Variants in PCDHGA8 observed in about 807,000 individuals in gnomAD.
PCDHGA8 encodes protocadherin gamma subfamily A, 8.
PCDHGA8 carries 45 observed loss-of-function variants against 59.2 expected under a neutral mutation model. The observed-to-expected ratio is 0.76, with a 90% CI of 0.60 to 0.98. The LOEUF (loss-of-function observed/expected upper bound fraction) is 0.98. Ranked by LOEUF, PCDHGA8 falls within the 50% of genes least tolerant of loss-of-function variation. The pLI, the probability that PCDHGA8 is intolerant of heterozygous loss-of-function variation, is 0.00. For synonymous variants in PCDHGA8, 531 were observed against 519.0 expected, an observed-to-expected ratio of 1.02 and a Z score of -0.32; for missense variants, 1,257 against 1,196.2, an observed-to-expected ratio of 1.05 and a Z score of -0.75.
chr5:141,431,016 C>A lies in PCDHGA8; in HGVS notation c.2424+35779C>A, dbSNP rs755015257. 4 of 1,613,456 alleles carry A rather than the reference C, an allele frequency of 2.5e-6. No individual in the cohort carries two copies. Among genetic ancestry groups the A allele is most frequent in the East Asian group, 2.2e-5 (1 of 44,860 alleles). ...AATCCGCGCAGCGGCAGCTTGGTCA[C>A]GGCGGGCAGGATAGACCGGGAGGAG... is the stretch of plus-strand genomic sequence containing the variant. On this transcript the variant is annotated intron_variant, in intron 1 of 3. Coordinates refer to ENST00000398604, the MANE Select transcript of PCDHGA8 (RefSeq NM_032088.2). The surrounding 1 kb of genome is among the most constrained non-coding windows in gnomAD (Gnocchi z 4.8).
At chr5:141,415,904 C>T in intron 1 of PCDHGA8, 1 of 833,428 alleles carries the variant, frequency 1.2e-6, no homozygotes, top group Non-Finnish European at 1.6e-6. Context: ...AGACAGACTT[C>T]CATACAGAAG....
chr5:141,489,089 A>C lies in PCDHGA8; in HGVS notation c.2425-5718A>C. 6 of 284,452 alleles carry C rather than the reference A, an allele frequency of 2.1e-5. No individual in the cohort carries two copies. The highest frequency in any genetic ancestry group is 5.7e-5 in the East Asian group (1 of 17,568). The allele number at this position is 284,452 out of a possible 1,614,324, so 17.6% of individuals were successfully genotyped here. A position where few individuals can be genotyped will look rare whatever the true frequency, so the allele number is the denominator to read the frequency against. Reference sequence around the variant, plus strand: ...CCCTGCCCACCCCCGCCACTCGGTGACTAAGAACTGCTGCAAGCAGGCAAA... The same window carrying C: ...CCCTGCCCACCCCCGCCACTCGGTGCCTAAGAACTGCTGCAAGCAGGCAAA... On this transcript the variant is annotated intron_variant, in intron 1 of 3. Transcript: ENST00000398604. This position sits in a 1 kb window ranked among gnomAD's most constrained non-coding sequence, Gnocchi z 4.5.
At chr5:141,472,022 T>C (rs949257396) in intron 1 of PCDHGA8, among the ~76,000 whole-genome samples, 1 of 152,176 alleles carries the variant, frequency 6.6e-6, no homozygotes, top group Non-Finnish European at 1.5e-5. Flanking sequence ...CTATATTGTA[T>C]GTAGAAAGCT....
chr5:141,418,767 C>T (rs770275597), intron 1 of PCDHGA8: 1 of 1,613,850 alleles, frequency 6.2e-7, no homozygotes, highest in Non-Finnish European at 8.5e-7. Flanking sequence ...AACATTCTAA[C>T]TCAGCAGCCT....
At chr5:141,415,746 T>G (rs766611858) in intron 1 of PCDHGA8, 17 of 662,556 alleles carry the variant, frequency 2.6e-5, no homozygotes, top group East Asian at 1.1e-4. Context: ...TAAGGTTTTT[T>G]TTTTTTTTTT....
At chr5:141,444,880 G>C (rs527554886) in intron 1 of PCDHGA8, among the ~76,000 whole-genome samples, 5 of 152,268 alleles carry the variant, frequency 3.3e-5, no homozygotes, top group Admixed American at 1.3e-4. Flanking sequence ...AAGCTTGTAG[G>C]ATTTTTGAAT....
chr5:141,408,430 C>T, intron 1 of PCDHGA8: 2 of 1,614,012 alleles, frequency 1.2e-6, no homozygotes, highest in South Asian at 1.1e-5. Context: ...TGCACTTCAG[C>T]GTAGACGCGG....
chr5:141,404,974 C>A, intron 1 of PCDHGA8: 1 of 1,614,022 alleles, frequency 6.2e-7, no homozygotes, highest in South Asian at 1.1e-5. Flanking sequence ...TCCTGGCTGA[C>A]CTGGGCAGTC....
In PCDHGA8 at chr5:141,485,472, C is replaced by T. The variant is rs1185020546; in HGVS notation, c.2425-9335C>T. On this transcript the variant is annotated intron_variant, in intron 1 of 3. Transcript: ENST00000398604. This position sits in a 1 kb window ranked among gnomAD's most constrained non-coding sequence, Gnocchi z 5.7. The stretch of plus-strand genomic sequence containing the variant: ...CGAGAGGCACTGTGTGGGCTCAGTG[C>T]CAGCTGCATCGTGCCCCTGGAGTTT... The T allele has an allele frequency of 3.1e-6, 5 of 1,614,138 alleles. No individual in the cohort carries two copies. In the South Asian group the frequency reaches 5.5e-5, roughly 18 times the overall value.
At position 141,478,208 on chromosome 5, in the gene PCDHGA8, C is replaced by G. The variant is rs200735608; in HGVS notation, c.2425-16599C>G. The G allele has an allele frequency of 2.5e-6, 4 of 1,614,096 alleles. No individual in the cohort carries two copies. The East Asian group carries it at 8.9e-5, about 36-fold the overall frequency. ...TCTCACCTTTTATCTACTTCTTTCTCTAATCCTGGTTTCTGTGGGGTTTGT... is the reference window on the plus strand; with the variant it reads ...TCTCACCTTTTATCTACTTCTTTCTGTAATCCTGGTTTCTGTGGGGTTTGT... On this transcript the variant is annotated intron_variant, in intron 1 of 3. Coordinates refer to ENST00000398604, the MANE Select transcript of PCDHGA8 (RefSeq NM_032088.2).
At position 141,413,510 on chromosome 5, in the gene PCDHGA8, T is replaced by G. The variant is rs372002880; in HGVS notation, c.2424+18273T>G. On this transcript the variant is annotated intron_variant, in intron 1 of 3. Transcript: ENST00000398604. ...GCGCGGTGCGTGGTGAGTTTTAATA[T>G]CCTTGTGGAAGACAGGGTGAAACTT... The G allele has an allele frequency of 5.4e-5, 87 of 1,613,876 alleles. No individual in the cohort carries two copies. Among genetic ancestry groups the G allele is most frequent in the Middle Eastern group, 1.6e-4 (1 of 6,084 alleles).
chr5:141,392,918 G>T lies in PCDHGA8; in HGVS notation c.105G>T (p.Val35=), dbSNP rs1177755274. The change falls in exon 1 of 4, where the codon GTG becomes GTT. Residue 35 remains valine, a synonymous_variant. Transcript: ENST00000398604. ...GGAGGGGACAGATTCGCTACTCTGTGCCAGAAGAGACGGACAAAGGCTCCT... is the reference window on the plus strand; with the variant it reads ...GGAGGGGACAGATTCGCTACTCTGTTCCAGAAGAGACGGACAAAGGCTCCT... ...EIGRGQIRYS[V]PEETDKGSFV... 2 of 1,613,794 alleles carry T rather than the reference G, an allele frequency of 1.2e-6. No individual in the cohort carries two copies. Among genetic ancestry groups the T allele is most frequent in the African/African-American group, 2.7e-5 (2 of 74,948 alleles).
chr5:141,497,122 G>A (rs1407489807), intron 2 of PCDHGA8, among the ~76,000 whole-genome samples: 1 of 151,992 alleles, frequency 6.6e-6, no homozygotes, highest in East Asian at 1.9e-4. Flanking sequence ...GAAGGCAGAG[G>A]TTGCAGTGAG....
In PCDHGA8 at chr5:141,455,477, C is replaced by T. The variant is rs557286491; in HGVS notation, c.2425-39330C>T. On this transcript the variant is annotated intron_variant, in intron 1 of 3. Coordinates refer to ENST00000398604, the MANE Select transcript of PCDHGA8 (RefSeq NM_032088.2). ...TACCAGCCAGGTATATATGCAGAGG[C>T]TGGTGGAGGTGATGTCTGATTTGCA... Among the ~76,000 whole-genome samples the T allele has an allele frequency of 1.2e-4, 18 of 152,252 alleles. No homozygotes were observed. The South Asian group carries it at 3.7e-3, about 32-fold the overall frequency.
intron 1 of PCDHGA8, chr5:141,441,209 G>A (rs1276958461): frequency 1.3e-5 from 2 of 152,158 alleles, no homozygotes; most frequent in East Asian, 3.9e-4. Flanking sequence ...TCTGCACCTT[G>A]GACAGTAATC....
intron 1 of PCDHGA8, among the ~76,000 whole-genome samples, chr5:141,402,239 T>A (rs1361940803): frequency 6.6e-6 from 1 of 152,066 alleles, no homozygotes; most frequent in African/African-American, 2.4e-5. Flanking sequence ...AGGAATTTTA[T>A]CATCAAAATA....
intron 2 of PCDHGA8, among the ~76,000 whole-genome samples, chr5:141,503,010 A>T (rs1595838084): frequency 6.8e-6 from 1 of 146,772 alleles, no homozygotes; most frequent in East Asian, 2.0e-4. Context: ...TGCCCGGTTA[A>T]TTTTTTTTTT....
intron 1 of PCDHGA8, among the ~76,000 whole-genome samples, chr5:141,453,357 C>T (rs1027586816): frequency 1.3e-5 from 2 of 152,002 alleles, no homozygotes; most frequent in Admixed American, 6.6e-5. Flanking sequence ...TGACCCTGAA[C>T]TCCTGGGGTC....
At chr5:141,398,009 C>T (rs1589315775) in intron 1 of PCDHGA8, 2 of 1,400,564 alleles carry the variant, frequency 1.4e-6, no homozygotes, top group Non-Finnish European at 1.9e-6. Flanking sequence ...GAAAAAGAAT[C>T]GTTTCCTAAA....
Sources: gnomAD v4.1 joint callset for allele counts (sites outside exome capture counted in the v4.1 genomes callset) on GRCh38, gnomAD v4.1.1 for gene constraint, Gnocchi (gnomAD v3.1) non-coding constraint, MANE v1.5 for transcripts, NCBI Gene and HGNC (gene_info 2026-07-23, HGNC 2026-07-21) for gene names.